The following PCDHA1 variants were observed in gnomAD, a reference collection of about 807,000 sequenced individuals.
PCDHA1 encodes the protein protocadherin alpha 1, also known as protocadherin alpha-1.
A neutral mutation model predicts 61.3 loss-of-function variants in PCDHA1; 42 were observed. That is an observed-to-expected ratio of 0.69 (90% CI 0.54 to 0.89). The LOEUF (loss-of-function observed/expected upper bound fraction) is 0.89. Ranked by LOEUF, PCDHA1 falls within the 40% of genes least tolerant of loss-of-function variation. The pLI is 0.00. For missense variants in PCDHA1, 1,256 were observed against 1,235.3 expected, an observed-to-expected ratio of 1.02 and a Z score of -0.25; for synonymous variants, 610 against 553.8, an observed-to-expected ratio of 1.10 and a Z score of -1.43.
At chr5:140,875,336 G>C in intron 1 of PCDHA1, 1 of 1,438,564 alleles carries the variant, frequency 7.0e-7, no homozygotes, top group Non-Finnish European at 9.1e-7. Flanking sequence ...GAATAGGATC[G>C]ACTCCATAAT....
intron 1 of PCDHA1, chr5:140,877,884 C>T: frequency 6.8e-7 from 1 of 1,465,050 alleles, no homozygotes; most frequent in Non-Finnish European, 9.0e-7. Context: ...CCTTGAAGAA[C>T]TTCCGTTTAG....
chr5:140,801,679 A>C lies in PCDHA1; in HGVS notation c.2394+12995A>C, dbSNP rs781947710. The C allele has an allele frequency of 1.1e-5, 17 of 1,614,086 alleles. 1 individual carries two copies. The South Asian group carries it at 1.8e-4, about 17-fold the overall frequency. ...TCGCTAGAGGGCGCATCAGATGCAG[A>C]TATCGGAACAAATTCGTTGTTGACT... On this transcript the variant is annotated intron_variant, in intron 1 of 3. Transcript: ENST00000504120.
chr5:140,828,141 C>G lies in PCDHA1; in HGVS notation c.2394+39457C>G, dbSNP rs2150151318. 1.2e-6 allele frequency: 2 copies of G among 1,613,956 alleles called. No homozygotes were observed. The highest frequency in any genetic ancestry group is 1.1e-5 in the South Asian group (1 of 91,042). On this transcript the variant is annotated intron_variant, in intron 1 of 3. Transcript: ENST00000504120. The stretch of plus-strand genomic sequence containing the variant: ...TTGGGAAAGCAATGTCTGCTCCTCC[C>G]GCTTCTGCTCCTCGCAGCCTGGAAG...
At chr5:140,824,113 A>G (rs1581806457) in intron 1 of PCDHA1, 1 of 1,613,954 alleles carries the variant, frequency 6.2e-7, no homozygotes. Flanking sequence ...TCAGGGTCCC[A>G]CCTCTACAGA....
At chr5:141,006,662 G>A (rs1198129323) in intron 3 of PCDHA1, among the ~76,000 whole-genome samples, 1 of 152,192 alleles carries the variant, frequency 6.6e-6, no homozygotes, top group Admixed American at 6.5e-5. Context: ...TCCTGAAAGA[G>A]TGGTGGCAGT....
chr5:140,881,241 T>C, intron 1 of PCDHA1: 1 of 382,456 alleles, frequency 2.6e-6, no homozygotes, highest in Non-Finnish European at 3.6e-6. Context: ...TCAATTTAAA[T>C]GACGGCAAGG....
chr5:140,836,076 C>G (rs1387042597), intron 1 of PCDHA1: 1 of 1,613,592 alleles, frequency 6.2e-7, no homozygotes, highest in Admixed American at 1.7e-5. Context: ...CGCGCCGGCA[C>G]TGCTGGCGCC....
chr5:140,871,143 G>C (rs2052747767), intron 1 of PCDHA1: 1 of 1,613,356 alleles, frequency 6.2e-7, no homozygotes, highest in South Asian at 1.1e-5. Context: ...CCTCTTCCCG[G>C]ACTTTGGCGG....
intron 1 of PCDHA1, among the ~76,000 whole-genome samples, chr5:140,919,088 T>C (rs2153552205): frequency 6.6e-6 from 1 of 152,378 alleles, no homozygotes; most frequent in South Asian, 2.1e-4. Context: ...TATTGAATTG[T>C]CTATTTCTCC....
Position 140,889,101 on chromosome 5 carries a change from T to C in PCDHA1, c.2395-89848T>C, listed in dbSNP as rs115792966. On this transcript the variant is annotated intron_variant, in intron 1 of 3. Transcript: ENST00000504120. ...TTAAATTTTCAAAACAATTTTTTCA[T>C]CTTTATTCCAGGTGATACTGATATG... Among the ~76,000 whole-genome samples the C allele has an allele frequency of 7.5e-3, 1,145 of 152,066 alleles. 15 individuals carry two copies. Among genetic ancestry groups the C allele is most frequent in the African/African-American group, 0.026 (1,085 of 41,518 alleles).
intron 1 of PCDHA1, chr5:140,843,534 C>T: frequency 6.3e-7 from 1 of 1,596,028 alleles, no homozygotes; most frequent in Non-Finnish European, 8.6e-7. Flanking sequence ...GGCAAGCCCA[C>T]TCTGGTGTGC....
At chr5:140,830,028 G>T (rs2150179935) in intron 1 of PCDHA1, 1 of 1,613,878 alleles carries the variant, frequency 6.2e-7, no homozygotes. Flanking sequence ...CCGCGCCACC[G>T]GCTGCTGGTG....
At chr5:140,852,213 T>C (rs1221806389) in intron 1 of PCDHA1, 1 of 646,494 alleles carries the variant, frequency 1.5e-6, no homozygotes, top group Non-Finnish European at 2.0e-6. Flanking sequence ...TAAAACAAAA[T>C]ATTTTAATTT....
At chr5:140,870,385 G>C (rs548890657) in intron 1 of PCDHA1, 2 of 1,614,240 alleles carry the variant, frequency 1.2e-6, no homozygotes, top group African/African-American at 2.7e-5. Context: ...GACTGCGCGG[G>C]ATGGGGGTTC....
intron 1 of PCDHA1, chr5:140,807,285 A>G (rs782331571): frequency 5.0e-6 from 8 of 1,614,116 alleles, no homozygotes; most frequent in Non-Finnish European, 5.1e-6. Flanking sequence ...CAGCTCCACT[A>G]CTCGGTCTCC....
intron 1 of PCDHA1, chr5:140,808,484 C>T (rs782078802): frequency 6.2e-7 from 1 of 1,614,170 alleles, no homozygotes; most frequent in East Asian, 2.2e-5. Flanking sequence ...CGGGGGCTCG[C>T]CTTCGCTGTG....
chr5:140,791,428 G>A (rs1428042611), intron 1 of PCDHA1, among the ~76,000 whole-genome samples: 1 of 152,184 alleles, frequency 6.6e-6, no homozygotes, highest in East Asian at 1.9e-4. Flanking sequence ...AGCTGTCATA[G>A]GAAGTCCCCA....
intron 1 of PCDHA1, chr5:140,855,778 TAA>T: frequency 2.5e-6 from 1 of 407,854 alleles, no homozygotes; most frequent in Non-Finnish European, 4.4e-6. Context: ...TAAAAATACG[TAA>T]AAAAAGAATT....
intron 3 of PCDHA1, among the ~76,000 whole-genome samples, chr5:141,006,870 G>A (rs782345830): frequency 1.1e-4 from 16 of 152,174 alleles, no homozygotes; most frequent in Non-Finnish European, 1.5e-4. Flanking sequence ...GAATAGATTC[G>A]AGGAATCAAG....
Sources: gnomAD v4.1 joint callset for allele counts (sites outside exome capture counted in the v4.1 genomes callset) on GRCh38, gnomAD v4.1.1 for gene constraint, MANE v1.5 for transcripts, NCBI Gene and HGNC (gene_info 2026-07-23, HGNC 2026-07-21) for gene names.